Variants in DLG2 observed in about 807,000 individuals in gnomAD.
DLG2 encodes discs large MAGUK scaffold protein 2.
In DLG2, 45 loss-of-function variants were observed where a neutral mutation model predicts 132.5. That is an observed-to-expected ratio of 0.34 (90% CI 0.27 to 0.44). DLG2 has a LOEUF of 0.44. Among genes scored for constraint, DLG2 ranks in the 20% least tolerant of loss-of-function variants. The pLI is 1.00. For synonymous variants in DLG2, 424 were observed against 419.6 expected (o/e 1.01, Z -0.13); for missense variants, 1,045 against 1,196.9 (o/e 0.87, Z 1.87).
chr11:84,349,910 G>A (rs1226865807), intron 7 of DLG2, among the ~76,000 whole-genome samples: 1 of 151,962 alleles, frequency 6.6e-6, no homozygotes, highest in Non-Finnish European at 1.5e-5. Context: ...GGGCGCGGTG[G>A]CTCACGCCTG....
intron 3 of DLG2, among the ~76,000 whole-genome samples, chr11:85,576,243 G>GGC (rs1405384342): frequency 6.6e-6 from 1 of 152,068 alleles, no homozygotes; most frequent in Non-Finnish European, 1.5e-5. Context: ...AACAGAACAT[G>GGC]TAAACAAGTA....
intron 6 of DLG2, among the ~76,000 whole-genome samples, chr11:84,947,084 G>A (rs985777287): frequency 1.3e-5 from 2 of 152,326 alleles, no homozygotes; most frequent in African/African-American, 4.8e-5. Flanking sequence ...GCCAGTCGCT[G>A]CCATTGCCAG....
At chr11:84,052,864 C>T (rs935421101) in intron 11 of DLG2, among the ~76,000 whole-genome samples, 1 of 151,960 alleles carries the variant, frequency 6.6e-6, no homozygotes, top group Non-Finnish European at 1.5e-5. Flanking sequence ...AGATAGTCCT[C>T]AAAGACCTAA....
intron 19 of DLG2, among the ~76,000 whole-genome samples, chr11:83,586,652 T>C (rs2097091856): frequency 6.6e-6 from 1 of 152,240 alleles, no homozygotes; most frequent in Non-Finnish European, 1.5e-5. Context: ...TTACTTATAG[T>C]AACTACTTAA....
At chr11:85,473,537 A>G (rs2093051046) in intron 3 of DLG2, among the ~76,000 whole-genome samples, 1 of 152,214 alleles carries the variant, frequency 6.6e-6, no homozygotes, top group Non-Finnish European at 1.5e-5. Context: ...TGAAGAAATA[A>G]ATTAGCAAAT....
In DLG2 at chr11:84,826,572, G is replaced by T. The variant is rs1223255919; in HGVS notation, c.357+285089C>A. ...GAAATATTATTTCTCAGCAAGCTAT[G>T]CTCTATTTACCTTTATTAACTTGAA... is the stretch of plus-strand genomic sequence containing the variant. On this transcript the variant is annotated intron_variant, in intron 6 of 27. Transcript: ENST00000376104. Among the ~76,000 whole-genome samples the T allele has an allele frequency of 5.9e-5, 9 of 151,828 alleles. No homozygotes were observed. In the East Asian group the frequency reaches 1.8e-3, roughly 30 times the overall value.
At chr11:83,749,471 C>A (rs934653266) in intron 18 of DLG2, among the ~76,000 whole-genome samples, 6 of 152,074 alleles carry the variant, frequency 3.9e-5, no homozygotes, top group Admixed American at 3.9e-4. Flanking sequence ...ATGATCTGTG[C>A]CATTTGTCTC....
chr11:84,439,586 C>T (rs2099011372), intron 7 of DLG2, among the ~76,000 whole-genome samples: 1 of 152,142 alleles, frequency 6.6e-6, no homozygotes, highest in Admixed American at 6.5e-5. Flanking sequence ...ATATTATACC[C>T]TGTACTCTCT....
At position 83,753,853 on chromosome 11, in the gene DLG2, CAT is replaced by C. The variant is rs1390990079; in HGVS notation, c.1825+32835_1825+32836del. Among the ~76,000 whole-genome samples the C allele has an allele frequency of 1.9e-3, 17 of 8,928 alleles. No homozygotes were observed. The South Asian group carries it at 0.031, about 16-fold the overall frequency. 5.9% of individuals were successfully genotyped at this position (8,928 alleles called of 152,430 possible). A position where few individuals can be genotyped will look rare whatever the true frequency, so the allele number is the denominator to read the frequency against. On this transcript the variant is annotated intron_variant, in intron 18 of 27. Coordinates refer to ENST00000376104, the MANE Select transcript of DLG2 (RefSeq NM_001142699.3). ...TATATATGATATATATCATATATAT[CAT>C]ATATATATTTCATATATATGATATA...
intron 11 of DLG2, among the ~76,000 whole-genome samples, chr11:84,004,284 T>C (rs1158346110): frequency 6.6e-6 from 1 of 152,130 alleles, no homozygotes; most frequent in Admixed American, 6.6e-5. Flanking sequence ...TGGTTTTACA[T>C]ATGCAAATCA....
At chr11:84,710,024 G>A (rs2060204447) in intron 6 of DLG2, among the ~76,000 whole-genome samples, 1 of 151,940 alleles carries the variant, frequency 6.6e-6, no homozygotes, top group African/African-American at 2.4e-5. Context: ...TTAAACTACT[G>A]TATGGGCCCT....
chr11:85,027,873 C>G (rs931682311), intron 6 of DLG2, among the ~76,000 whole-genome samples: 3 of 152,192 alleles, frequency 2.0e-5, no homozygotes, highest in Non-Finnish European at 4.4e-5. Flanking sequence ...CTCTCCTTCT[C>G]ATCACCCATA....
At chr11:84,269,082 G>A (rs1197836404) in intron 7 of DLG2, among the ~76,000 whole-genome samples, 1 of 152,184 alleles carries the variant, frequency 6.6e-6, no homozygotes, top group Admixed American at 6.5e-5. Flanking sequence ...GTTTATCTGT[G>A]TATGTATACA....
At chr11:84,773,860 C>A (rs1466719290) in intron 6 of DLG2, among the ~76,000 whole-genome samples, 1 of 152,134 alleles carries the variant, frequency 6.6e-6, no homozygotes, top group Non-Finnish European at 1.5e-5. Context: ...TAGAAGCATT[C>A]CCCTTGAGAA....
At chr11:84,685,366 C>T (rs1469978695) in intron 6 of DLG2, among the ~76,000 whole-genome samples, 2 of 152,194 alleles carry the variant, frequency 1.3e-5, no homozygotes, top group South Asian at 4.1e-4. Context: ...ATAAGAACCA[C>T]AGTCAGTCCT....
At chr11:85,624,032 A>G (rs2081903935) in intron 2 of DLG2, among the ~76,000 whole-genome samples, 1 of 152,204 alleles carries the variant, frequency 6.6e-6, no homozygotes, top group South Asian at 2.1e-4. Context: ...TACTATAGAT[A>G]AGAAAATCTT....
chr11:84,139,846 A>G (rs764431591), intron 9 of DLG2, among the ~76,000 whole-genome samples: 1 of 152,212 alleles, frequency 6.6e-6, no homozygotes, highest in South Asian at 2.1e-4. Flanking sequence ...CCAAATTTAG[A>G]GGGCTAAAGA....
At chr11:85,020,968 C>T (rs769029727) in intron 6 of DLG2, 22 of 777,870 alleles carry the variant, frequency 2.8e-5, no homozygotes, top group African/African-American at 1.4e-4. Context: ...TCTTTCTTCA[C>T]GGAGCTGCTG....
At chr11:84,735,084 T>C (rs564874135) in intron 6 of DLG2, among the ~76,000 whole-genome samples, 29 of 152,226 alleles carry the variant, frequency 1.9e-4, no homozygotes, top group African/African-American at 6.3e-4. Context: ...ATCAGGGATA[T>C]TGGTCTAAAA....
Sources: gnomAD v4.1 joint callset for allele counts (sites outside exome capture counted in the v4.1 genomes callset) on GRCh38, gnomAD v4.1.1 for gene constraint, MANE v1.5 for transcripts, NCBI Gene and HGNC (gene_info 2026-07-23, HGNC 2026-07-21) for gene names.